Variants in UNC5D observed in about 807,000 individuals in gnomAD.
The protein encoded by UNC5D is netrin receptor UNC5D.
UNC5D carries 39 observed loss-of-function variants against 105.4 expected under a neutral mutation model. The ratio of observed to expected loss-of-function variants is 0.37; its 90% CI spans 0.29 to 0.48. The LOEUF (loss-of-function observed/expected upper bound fraction) is 0.48, where lower values mean the gene tolerates loss of function less well. Ranked by LOEUF, UNC5D falls within the 20% of genes least tolerant of loss-of-function variation. The pLI is 0.98. For missense variants in UNC5D, 991 were observed against 1,202.4 expected (o/e 0.82, Z 2.60); for synonymous variants, 452 against 450.4 (o/e 1.00, Z -0.04).
At chr8:35,379,625 A>G (rs1289741813) in intron 1 of UNC5D, among the ~76,000 whole-genome samples, 2 of 152,058 alleles carry the variant, frequency 1.3e-5, no homozygotes, top group Non-Finnish European at 2.9e-5. Context: ...CTGTGTTCCT[A>G]TGGACCTATC....
intron 1 of UNC5D, among the ~76,000 whole-genome samples, chr8:35,341,526 G>A (rs1015092529): frequency 1.3e-5 from 2 of 150,872 alleles, no homozygotes; most frequent in Admixed American, 6.6e-5. Flanking sequence ...GGATATACTC[G>A]CAGTGATAGA....
chr8:35,668,486 C>T (rs556819933), intron 4 of UNC5D, among the ~76,000 whole-genome samples: 5 of 152,128 alleles, frequency 3.3e-5, no homozygotes, highest in East Asian at 1.9e-4. Flanking sequence ...TATGGCTTCT[C>T]GTTTTCATAC....
At chr8:35,727,499 T>C (rs1362491401) in intron 10 of UNC5D, 1 of 152,176 alleles carries the variant, frequency 6.6e-6, no homozygotes, top group Non-Finnish European at 1.5e-5. Flanking sequence ...CTAGTCTGAT[T>C]CTACCATTCT....
chr8:35,608,325 G>C (rs565996679), intron 4 of UNC5D, among the ~76,000 whole-genome samples: 2 of 152,250 alleles, frequency 1.3e-5, no homozygotes, highest in East Asian at 3.9e-4. Context: ...CAAAAGCCTT[G>C]TTTTATAAAT....
intron 2 of UNC5D, among the ~76,000 whole-genome samples, chr8:35,553,207 A>C (rs1369775184): frequency 1.3e-5 from 2 of 152,134 alleles, no homozygotes; most frequent in Non-Finnish European, 2.9e-5. Flanking sequence ...TCAACAGTGC[A>C]CCCTCTTCTA....
intron 1 of UNC5D, among the ~76,000 whole-genome samples, chr8:35,307,121 GA>G (rs10711574): frequency 0.89 from 134,235 of 151,648 alleles, 59,505 homozygotes; most frequent in East Asian, 1. Context: ...AGCTAAAAAA[GA>G]AAAAAAAAAT....
chr8:35,507,028 C>T (rs966424378), intron 1 of UNC5D, among the ~76,000 whole-genome samples: 2 of 148,942 alleles, frequency 1.3e-5, no homozygotes, highest in African/African-American at 4.9e-5. Context: ...GTTCTTTTTG[C>T]AGGCCTCCAT....
intron 7 of UNC5D, among the ~76,000 whole-genome samples, chr8:35,691,366 A>T (rs1826376008): frequency 6.6e-6 from 1 of 152,184 alleles, no homozygotes; most frequent in Non-Finnish European, 1.5e-5. Flanking sequence ...GCATGCCTGT[A>T]GTCCCAGCTA....
At chr8:35,250,662 T>G (rs1563250161) in intron 1 of UNC5D, among the ~76,000 whole-genome samples, 2 of 152,044 alleles carry the variant, frequency 1.3e-5, no homozygotes, top group Non-Finnish European at 2.9e-5. Flanking sequence ...GTCTGGCTAA[T>G]TTTTTTCTAT....
intron 1 of UNC5D, among the ~76,000 whole-genome samples, chr8:35,376,959 T>C (rs1392762624): frequency 1.3e-5 from 2 of 152,224 alleles, no homozygotes; most frequent in Non-Finnish European, 2.9e-5. Flanking sequence ...CACTCCTTCC[T>C]CTTTTCTGCT....
chr8:35,487,593 A>ACACACACACACACACACACACACCCCCC (rs1415748793), intron 1 of UNC5D, among the ~76,000 whole-genome samples: 4 of 150,470 alleles, frequency 2.7e-5, no homozygotes, highest in African/African-American at 9.9e-5. Flanking sequence ...ACACACACAC[A>ACACACACACACACACACACACACCCCCC]CCCCACAGAC....
intron 1 of UNC5D, among the ~76,000 whole-genome samples, chr8:35,452,730 G>A (rs1330161331): frequency 1.3e-5 from 2 of 152,096 alleles, no homozygotes; most frequent in Non-Finnish European, 2.9e-5. Flanking sequence ...GACATGCTGA[G>A]AAAGAAGGAC....
At chr8:35,353,943 A>C (rs1378799916) in intron 1 of UNC5D, among the ~76,000 whole-genome samples, 1 of 152,042 alleles carries the variant, frequency 6.6e-6, no homozygotes, top group Non-Finnish European at 1.5e-5. Context: ...CGTTGTAGAG[A>C]GGTTGACTTT....
intron 1 of UNC5D, among the ~76,000 whole-genome samples, chr8:35,523,056 T>A (rs564881849): frequency 1.1e-3 from 169 of 151,810 alleles, no homozygotes; most frequent in African/African-American, 3.6e-3. Context: ...ATTTTTTTTT[T>A]AAATAATTAC....
intron 1 of UNC5D, chr8:35,544,440 G>T: frequency 1.2e-6 from 2 of 1,613,726 alleles, no homozygotes; most frequent in Non-Finnish European, 1.7e-6. Flanking sequence ...TATGTTATCT[G>T]GGGGTGGATG....
intron 2 of UNC5D, among the ~76,000 whole-genome samples, chr8:35,551,542 G>A (rs964803002): frequency 2.0e-5 from 3 of 152,086 alleles, no homozygotes; most frequent in South Asian, 4.1e-4. Flanking sequence ...CAGGGGAGCC[G>A]GGTGCGGTGG....
At chr8:35,278,683 A>G (rs1805942583) in intron 1 of UNC5D, among the ~76,000 whole-genome samples, 1 of 152,140 alleles carries the variant, frequency 6.6e-6, no homozygotes, top group Admixed American at 6.6e-5. Flanking sequence ...AGTCAAACAA[A>G]TTAACATATT....
intron 1 of UNC5D, chr8:35,544,423 G>T: frequency 1.2e-6 from 2 of 1,609,044 alleles, no homozygotes; most frequent in Non-Finnish European, 1.7e-6. Context: ...AAAAAAAAAA[G>T]CTGTAATATG....
chr8:35,717,627 A>G (rs1365791035), intron 8 of UNC5D, among the ~76,000 whole-genome samples: 2 of 152,220 alleles, frequency 1.3e-5, no homozygotes, highest in Non-Finnish European at 2.9e-5. Context: ...TTCTGAAAGG[A>G]GATTTCACAA....
Sources: gnomAD v4.1 joint callset for allele counts (sites outside exome capture counted in the v4.1 genomes callset) on GRCh38, gnomAD v4.1.1 for gene constraint, MANE v1.5 for transcripts, NCBI Gene and HGNC (gene_info 2026-07-23, HGNC 2026-07-21) for gene names.